Variants in EYA4 observed in about 807,000 individuals in gnomAD.
EYA4 encodes EYA transcriptional coactivator and phosphatase 4.
EYA4 carries 31 observed loss-of-function variants against 87.9 expected under a neutral mutation model. The ratio of observed to expected loss-of-function variants is 0.35; its 90% CI spans 0.27 to 0.48. EYA4 has a LOEUF of 0.48. Ranked by LOEUF, EYA4 falls within the 20% of genes least tolerant of loss-of-function variation. EYA4 has a pLI of 0.99. For synonymous variants in EYA4, 263 were observed against 270.6 expected, an observed-to-expected ratio of 0.97 and a Z score of 0.28; for missense variants, 678 against 761.4, an observed-to-expected ratio of 0.89 and a Z score of 1.29.
At chr6:133,403,285 G>A (rs1021460994) in intron 3 of EYA4, among the ~76,000 whole-genome samples, 4 of 152,112 alleles carry the variant, frequency 2.6e-5, no homozygotes, top group African/African-American at 9.7e-5. Flanking sequence ...ATCTTGATTT[G>A]TTTATACAGA....
chr6:133,444,614 G>T (rs1034258929), intron 3 of EYA4, among the ~76,000 whole-genome samples: 1 of 152,162 alleles, frequency 6.6e-6, no homozygotes, highest in South Asian at 2.1e-4. Context: ...GACCCTTAGG[G>T]TAAGAGGGAA....
chr6:133,409,923 A>G (rs1789059189), intron 3 of EYA4, among the ~76,000 whole-genome samples: 1 of 152,176 alleles, frequency 6.6e-6, no homozygotes, highest in African/African-American at 2.4e-5. Flanking sequence ...GTATGAAAAC[A>G]TATGTTGTAC....
In EYA4 at chr6:133,253,089, AAAT is replaced by A. The variant is rs1334791075; in HGVS notation, c.-66+11342_-66+11344del. 3.2e-4 allele frequency among the ~76,000 whole-genome samples: 49 copies of A among 152,164 alleles called. 1 individual carries two copies. The highest frequency in any genetic ancestry group is 3.4e-3 in the Middle Eastern group (1 of 294). On this transcript the variant is annotated intron_variant, in intron 1 of 19. Transcript: ENST00000355286. ...AAATACAGCATACTGTGTTTGACCA[AAAT>A]ATTTTTCTGTTTCCTAGGTGGAGAA... is the stretch of plus-strand genomic sequence containing the variant.
chr6:133,390,996 C>T (rs1414891786), intron 3 of EYA4, among the ~76,000 whole-genome samples: 3 of 152,080 alleles, frequency 2.0e-5, no homozygotes, highest in African/African-American at 7.2e-5. Flanking sequence ...AACCAAAAAA[C>T]CCAGGAGCTG....
At chr6:133,354,142 T>C (rs1783841903) in intron 2 of EYA4, among the ~76,000 whole-genome samples, 1 of 152,124 alleles carries the variant, frequency 6.6e-6, no homozygotes, top group Non-Finnish European at 1.5e-5. Context: ...GCAGACATAA[T>C]AACTGCATTA....
intron 2 of EYA4, among the ~76,000 whole-genome samples, chr6:133,333,164 A>G (rs1283212331): frequency 1.3e-5 from 2 of 152,230 alleles, no homozygotes; most frequent in African/African-American, 2.4e-5. Context: ...TTATTGATTT[A>G]TCTCTCCCAC....
chr6:133,452,928 CT>C (rs1793586566), intron 5 of EYA4: 1 of 152,052 alleles, frequency 6.6e-6, no homozygotes, highest in Non-Finnish European at 1.5e-5. Flanking sequence ...AATATTGTTT[CT>C]TTTGAAATCA....
At chr6:133,292,101 G>A (rs1778536218) in intron 2 of EYA4, among the ~76,000 whole-genome samples, 1 of 152,198 alleles carries the variant, frequency 6.6e-6, no homozygotes, top group African/African-American at 2.4e-5. Flanking sequence ...GTTGTTATCA[G>A]TGGTTAAGAG....
intron 6 of EYA4, among the ~76,000 whole-genome samples, chr6:133,459,911 T>C (rs1197429253): frequency 1.3e-5 from 2 of 152,128 alleles, no homozygotes; most frequent in Non-Finnish European, 2.9e-5. Flanking sequence ...CTTACTTCAT[T>C]ATCGCTATGA....
Position 133,366,857 on chromosome 6 carries a change from A to G in EYA4, c.34-15535A>G, listed in dbSNP as rs558854870. 5.5e-4 allele frequency among the ~76,000 whole-genome samples: 84 copies of G among 152,334 alleles called. 1 individual carries two copies. Among genetic ancestry groups the G allele is most frequent in the Middle Eastern group, 6.8e-3 (2 of 294 alleles). On this transcript the variant is annotated intron_variant, in intron 2 of 19. Transcript: ENST00000355286. ...GGCTTATTGAACATACAGAAATTGT[A>G]CATTGTTTTTCTTCGTTCTCTAATG...
rs184990470 is a variant in EYA4 at position 133,441,075 on chromosome 6, T to C, written c.84-5555T>C. On this transcript the variant is annotated intron_variant, in intron 3 of 19. Coordinates refer to ENST00000355286, the MANE Select transcript of EYA4 (RefSeq NM_004100.5). The stretch of plus-strand genomic sequence containing the variant: ...ATCAGATTTGGGAAAATTTTGACCA[T>C]TACTTATTCCAATATTATTCTGTAT... Among the ~76,000 whole-genome samples the C allele has an allele frequency of 1.5e-3, 229 of 152,202 alleles. 2 individuals are homozygous for C. Among genetic ancestry groups the C allele is most frequent in the South Asian group, 1.9e-3 (9 of 4,810 alleles).
At chr6:133,301,930 G>A (rs1779438994) in intron 2 of EYA4, among the ~76,000 whole-genome samples, 1 of 152,210 alleles carries the variant, frequency 6.6e-6, no homozygotes, top group South Asian at 2.1e-4. Flanking sequence ...TCATGGAGCT[G>A]TGGGCACATC....
intron 3 of EYA4, among the ~76,000 whole-genome samples, chr6:133,419,630 G>A (rs537361344): frequency 7.9e-5 from 12 of 152,076 alleles, no homozygotes; most frequent in Non-Finnish European, 1.5e-4. Context: ...TAGATACATC[G>A]TAAATATTGT....
intron 2 of EYA4, among the ~76,000 whole-genome samples, chr6:133,368,381 C>A (rs1360583894): frequency 6.6e-6 from 1 of 152,152 alleles, no homozygotes; most frequent in Non-Finnish European, 1.5e-5. Context: ...GCAAGGTTCA[C>A]TGGGCCTCTA....
At chr6:133,465,942 G>A (rs1794798803) in intron 10 of EYA4, among the ~76,000 whole-genome samples, 1 of 152,114 alleles carries the variant, frequency 6.6e-6, no homozygotes, top group African/African-American at 2.4e-5. Flanking sequence ...ATCAGAGCCA[G>A]TGTATACATT....
At position 133,530,382 on chromosome 6, in the gene EYA4, T is replaced by A; in HGVS notation, c.*1577T>A. On this transcript the variant is annotated 3_prime_UTR_variant, in exon 20 of 20. Coordinates refer to ENST00000355286, the MANE Select transcript of EYA4 (RefSeq NM_004100.5). ...CCCATGTTGGGAACACGATACAGGT[T>A]CTCCTCTTATTTCCTATGACACGAT... is the stretch of plus-strand genomic sequence containing the variant. The A allele has an allele frequency of 1.0e-6, 1 of 985,414 alleles. No individual in the cohort carries two copies. Among genetic ancestry groups the A allele is most frequent in the Non-Finnish European group, 1.2e-6 (1 of 829,896 alleles). The allele number at this position is 985,414 out of a possible 1,614,324, so 61.0% of individuals were successfully genotyped here.
chr6:133,479,635 T>C (rs1796038109), intron 11 of EYA4, among the ~76,000 whole-genome samples: 1 of 152,178 alleles, frequency 6.6e-6, no homozygotes, highest in South Asian at 2.1e-4. Flanking sequence ...TGTTTAAAAA[T>C]CATGTAATTT....
At chr6:133,395,970 T>C (rs1417443878) in intron 3 of EYA4, among the ~76,000 whole-genome samples, 2 of 152,202 alleles carry the variant, frequency 1.3e-5, no homozygotes, top group African/African-American at 2.4e-5. Context: ...CAAAGGTTTT[T>C]GAAATAAAAA....
At chr6:133,429,549 T>G (rs1352830410) in intron 3 of EYA4, among the ~76,000 whole-genome samples, 1 of 152,054 alleles carries the variant, frequency 6.6e-6, no homozygotes, top group African/African-American at 2.4e-5. Context: ...AAAGTAGTTA[T>G]GAGGAATTGA....
Sources: allele counts gnomAD v4.1 joint callset (sites outside exome capture counted in the v4.1 genomes callset), GRCh38; gene constraint gnomAD v4.1.1; transcripts MANE v1.5; gene names NCBI Gene and HGNC (gene_info 2026-07-23, HGNC 2026-07-21).